Variants in PTER observed in about 807,000 individuals in gnomAD.
The protein encoded by PTER is phosphotriesterase related.
A neutral mutation model predicts 29.6 loss-of-function variants in PTER; 38 were observed. The observed-to-expected ratio is 1.28, with a 90% CI of 0.99 to 1.68. The LOEUF is 1.68. PTER is among the 40% of genes most tolerant of loss of function. The pLI is 0.00. For synonymous variants in PTER, 172 were observed against 154.5 expected (o/e 1.11, Z -0.84); for missense variants, 482 against 427.8 (o/e 1.13, Z -1.12).
chr10:16,475,585 C>T (rs111374367), intron 1 of PTER, among the ~76,000 whole-genome samples: 37 of 152,224 alleles, frequency 2.4e-4, no homozygotes, highest in African/African-American at 7.5e-4. Context: ...AGTGATTCAC[C>T]GACCAGCTCT....
chr10:16,506,117 A>G (rs926493102), intron 4 of PTER, among the ~76,000 whole-genome samples: 1 of 152,196 alleles, frequency 6.6e-6, no homozygotes, highest in Non-Finnish European at 1.5e-5. Flanking sequence ...ATAAGTGACA[A>G]ATATCAAGGG....
rs962345578 is a variant in PTER, at chr10:16,500,227, A to G, written c.699-4793A>G. On this transcript the variant is annotated intron_variant, in intron 3 of 4. Coordinates refer to ENST00000535784, the MANE Select transcript of PTER (RefSeq NM_001261836.2). ...GAGCGGATAAGAATTCATAGGGATT[A>G]CTTTTTTTTTTTTTTGAGACAAGGT... is the stretch of plus-strand genomic sequence containing the variant. Among the ~76,000 whole-genome samples, 9 of 117,446 alleles carry G rather than the reference A, an allele frequency of 7.7e-5. No homozygotes were observed. In the East Asian group the frequency reaches 1.9e-3, roughly 25 times the overall value. 77.0% of individuals were successfully genotyped at this position (117,446 alleles called of 152,430 possible).
chr10:16,451,860 A>G (rs1834222103), intron 1 of PTER, among the ~76,000 whole-genome samples: 1 of 152,182 alleles, frequency 6.6e-6, no homozygotes, highest in Admixed American at 6.5e-5. Flanking sequence ...TCGTTACAAG[A>G]CATTGTGGAG....
At chr10:16,445,241 C>T (rs1030410566) in intron 1 of PTER, among the ~76,000 whole-genome samples, 19 of 152,148 alleles carry the variant, frequency 1.2e-4, no homozygotes, top group African/African-American at 3.1e-4. Flanking sequence ...AACTACCAAT[C>T]GCTCTGTAGA....
chr10:16,492,168 T>C (rs1212045796), intron 3 of PTER, among the ~76,000 whole-genome samples: 1 of 152,148 alleles, frequency 6.6e-6, no homozygotes, highest in Non-Finnish European at 1.5e-5. Flanking sequence ...GTCTAGGCCG[T>C]CCCCTAACCA....
At chr10:16,485,983 A>T (rs909271964) in intron 2 of PTER, among the ~76,000 whole-genome samples, 1 of 152,116 alleles carries the variant, frequency 6.6e-6, no homozygotes, top group African/African-American at 2.4e-5. Flanking sequence ...CGGGACATAG[A>T]TTCAATTCAT....
chr10:16,460,452 T>C (rs1834571887), intron 1 of PTER, among the ~76,000 whole-genome samples: 1 of 152,200 alleles, frequency 6.6e-6, no homozygotes, highest in South Asian at 2.1e-4. Context: ...ATGATCTCCA[T>C]AGTTTATTCC....
rs1588582240 is a variant in PTER, at chr10:16,446,799, G to GT, written c.-49+9759dup. ...TTGTTTGTTTGTTTTGTTTTGTTTTGTTTTTTTGAGACAGGGTCTCCCTCT... is the reference window on the plus strand; with the variant it reads ...TTGTTTGTTTGTTTTGTTTTGTTTTGTTTTTTTTGAGACAGGGTCTCCCTCT... On this transcript the variant is annotated intron_variant, in intron 1 of 4. Transcript: ENST00000535784. Among the ~76,000 whole-genome samples, 4 of 151,476 alleles carry GT rather than the reference G, an allele frequency of 2.6e-5. No individual in the cohort carries two copies. In the East Asian group the frequency reaches 7.8e-4, roughly 29 times the overall value.
intron 1 of PTER, among the ~76,000 whole-genome samples, chr10:16,448,592 C>T (rs1054466109): frequency 4.6e-5 from 7 of 152,160 alleles, no homozygotes; most frequent in African/African-American, 1.2e-4. Context: ...GAATTTTAGT[C>T]GGATTTATTT....
At chr10:16,456,864 G>GGGGGC (rs1834418283) in intron 1 of PTER, among the ~76,000 whole-genome samples, 2 of 146,116 alleles carry the variant, frequency 1.4e-5, no homozygotes, top group African/African-American at 5.0e-5. Context: ...GGGGAAGGTG[G>GGGGGC]GGGGGGGTTC....
chr10:16,494,355 G>A (rs1836013398), intron 3 of PTER, among the ~76,000 whole-genome samples: 1 of 152,062 alleles, frequency 6.6e-6, no homozygotes, highest in Non-Finnish European at 1.5e-5. Context: ...TCATAATATT[G>A]AAAGGGTGAC....
chr10:16,462,437 C>G (rs1834648270), intron 1 of PTER, among the ~76,000 whole-genome samples: 1 of 152,022 alleles, frequency 6.6e-6, no homozygotes. Context: ...GTTTGTTTTT[C>G]TGAGTCTGAC....
In PTER at chr10:16,484,562, A is replaced by C. The variant is rs753299492; in HGVS notation, c.178A>C (p.Ile60Leu). 1.2e-6 allele frequency: 2 copies of C among 1,614,022 alleles called. No individual in the cohort carries two copies. The highest frequency in any genetic ancestry group is 1.1e-5 in the South Asian group (1 of 91,068). The change falls in exon 2 of 5, where the codon ATT becomes CTT. Residue 60 changes from isoleucine to leucine, a missense_variant. Coordinates refer to ENST00000535784, the MANE Select transcript of PTER (RefSeq NM_001261836.2). The part of the protein sequence containing the change: ...EPIVMKNLYW[I>L]QKNAYSHKEN... Reference sequence around the variant, plus strand: ...TATCGTGATGAAAAATTTATATTGGATTCAGAAAAACGCCTATTCCCATAA... The same window carrying C: ...TATCGTGATGAAAAATTTATATTGGCTTCAGAAAAACGCCTATTCCCATAA...
chr10:16,500,032 A>T (rs1836273402), intron 3 of PTER, among the ~76,000 whole-genome samples: 1 of 134,670 alleles, frequency 7.4e-6, no homozygotes, highest in Admixed American at 7.9e-5. Flanking sequence ...CACTCACTGC[A>T]TCTGGCCTTG....
At chr10:16,500,205 C>G (rs377672809) in intron 3 of PTER, among the ~76,000 whole-genome samples, 1 of 150,544 alleles carries the variant, frequency 6.6e-6, no homozygotes, top group Non-Finnish European at 1.5e-5. Context: ...AGTTTTTGAG[C>G]GGATAAGAAT....
chr10:16,506,715 A>G (rs770290441), intron 4 of PTER, among the ~76,000 whole-genome samples: 1 of 152,080 alleles, frequency 6.6e-6, no homozygotes, highest in Non-Finnish European at 1.5e-5. Flanking sequence ...CTGAGGACAC[A>G]TGGCCACATG....
chr10:16,504,418 A>G (rs867556364), intron 3 of PTER, among the ~76,000 whole-genome samples: 2 of 152,204 alleles, frequency 1.3e-5, no homozygotes, highest in African/African-American at 4.8e-5. Context: ...TATTTAAAAA[A>G]TAAGCACTCC....
intron 1 of PTER, among the ~76,000 whole-genome samples, chr10:16,459,551 TG>T (rs1588592991): frequency 2.0e-5 from 3 of 152,272 alleles, no homozygotes; most frequent in African/African-American, 7.2e-5. Flanking sequence ...CTACAGGACT[TG>T]TTAGATACAC....
chr10:16,464,041 C>T (rs573080678), intron 1 of PTER, among the ~76,000 whole-genome samples: 78 of 152,238 alleles, frequency 5.1e-4, no homozygotes, highest in African/African-American at 1.6e-3. Flanking sequence ...CCTACTTCAC[C>T]GGTACATTAG....
Sources: gnomAD v4.1 joint callset for allele counts (sites outside exome capture counted in the v4.1 genomes callset) on GRCh38, gnomAD v4.1.1 for gene constraint, MANE v1.5 for transcripts, NCBI Gene and HGNC (gene_info 2026-07-23, HGNC 2026-07-21) for gene names.